DST: variants seen among roughly 807,000 people sequenced by gnomAD.
The protein encoded by DST is bullous pemphigoid antigen.
DST carries 253 observed loss-of-function variants against 875.2 expected under a neutral mutation model. The ratio of observed to expected loss-of-function variants is 0.29; its 90% CI spans 0.26 to 0.32. The LOEUF is 0.32. Ranked by LOEUF, DST falls within the 10% of genes least tolerant of loss-of-function variation. The probability of loss-of-function intolerance (pLI) is 1.00; values close to 1 mark genes in which losing one functional copy is unlikely to be tolerated. For missense variants in DST, 8,287 were observed against 9,111.6 expected (o/e 0.91, Z 3.68); for synonymous variants, 3,124 against 3,197.1 (o/e 0.98, Z 0.77).
chr6:56,744,467 C>T (rs1264256572), intron 4 of DST, among the ~76,000 whole-genome samples: 1 of 151,824 alleles, frequency 6.6e-6, no homozygotes, highest in Non-Finnish European at 1.5e-5. Flanking sequence ...TTCCCCATTA[C>T]TGCCTGGAAA....
chr6:56,629,184 A>C, intron 32 of DST, 66 bp downstream of exon 32: 1 of 1,511,844 alleles, frequency 6.6e-7, no homozygotes. Context: ...ATATGTGTAG[A>C]TTTTACTCAT....
intron 9 of DST, among the ~76,000 whole-genome samples, chr6:56,684,681 A>C (rs2099171814): frequency 6.6e-6 from 1 of 152,210 alleles, no homozygotes; most frequent in South Asian, 2.1e-4. Flanking sequence ...CTTACAAGTC[A>C]GACTAATTTT....
At position 56,843,716 on chromosome 6, in the gene DST, G is replaced by A; in HGVS notation, c.625+7681C>T. 8.2e-6 allele frequency: 3 copies of A among 363,718 alleles called. 1 individual carries two copies. The highest frequency in any genetic ancestry group is 2.4e-5 in the African/African-American group (1 of 41,008). The allele number at this position is 363,718 out of a possible 1,614,324, so 22.5% of individuals were successfully genotyped here. ...GGAGAGAGGGAGGGAGGAGGGTGGA[G>A]GGTGGAGGGTGGAGAGTGGAGGGTG... On this transcript the variant is annotated intron_variant, in intron 4 of 103. Coordinates refer to ENST00000680361, the MANE Select transcript of DST (RefSeq NM_001374736.1).
chr6:56,887,957 T>C (rs914846986), intron 3 of DST, among the ~76,000 whole-genome samples: 2 of 151,504 alleles, frequency 1.3e-5, no homozygotes, highest in African/African-American at 4.8e-5. Flanking sequence ...TGAAATCTTT[T>C]TTTTTTTTTT....
In DST at chr6:56,606,361, G is replaced by A; in HGVS notation, c.8267C>T (p.Ser2756Leu). 1.9e-6 allele frequency: 3 copies of A among 1,613,110 alleles called. No individual in the cohort carries two copies. The highest frequency in any genetic ancestry group is 2.5e-6 in the Non-Finnish European group (3 of 1,179,520). Reference protein sequence around the residue: ...IVGGKESFTASLKFDDSGSWR... With the variant: ...IVGGKESFTALLKFDDSGSWR... ...ACTGCCACTGTCATCAAATTTTAAT[G>A]ATGCAGTGAAGCTCTCTTTTCCTCC... Residue 2756 changes from serine (S) to leucine (L), a missense_variant, in exon 40 of 104, where the codon TCA becomes TTA. Physicochemically the swap from Ser to Leu is moderately radical, Grantham distance 145. Coordinates refer to ENST00000680361, the MANE Select transcript of DST (RefSeq NM_001374736.1).
intron 59 of DST, among the ~76,000 whole-genome samples, 194 bp from the exon 60 acceptor site, chr6:56,556,034 T>A (rs796316007): frequency 6.6e-6 from 1 of 152,152 alleles, no homozygotes; most frequent in Non-Finnish European, 1.5e-5. Flanking sequence ...CACAGAGATA[T>A]CCTGTCTAAA....
chr6:56,857,029 C>T (rs1159693118), intron 3 of DST, among the ~76,000 whole-genome samples: 27 of 145,954 alleles, frequency 1.8e-4, no homozygotes, highest in Admixed American at 1.2e-3. Context: ...TTTTTTTTTA[C>T]GAGACAAGGT....
At chr6:56,638,075 A>G (rs557935414) in intron 22 of DST, among the ~76,000 whole-genome samples, 38 of 152,120 alleles carry the variant, frequency 2.5e-4, no homozygotes, top group African/African-American at 8.7e-4. Flanking sequence ...AAAGATGACT[A>G]AGGTTTCATT....
At chr6:56,487,047 A>G in intron 87 of DST, 57 bp downstream of exon 87, 1 of 1,552,780 alleles carries the variant, frequency 6.4e-7, no homozygotes, top group East Asian at 2.3e-5. Flanking sequence ...AAGCACCATT[A>G]CTGTGTATTT....
chr6:56,660,381 T>C (rs551729990), intron 10 of DST, among the ~76,000 whole-genome samples: 2 of 152,244 alleles, frequency 1.3e-5, no homozygotes, highest in East Asian at 3.9e-4. Context: ...TTCCTAAAGA[T>C]CATTTTTAGA....
intron 10 of DST, among the ~76,000 whole-genome samples, chr6:56,668,573 C>G (rs189511862): frequency 6.6e-6 from 1 of 151,882 alleles, no homozygotes; most frequent in Admixed American, 6.6e-5. Context: ...GAAATCCTGT[C>G]TCTACTAAAA....
intron 3 of DST, among the ~76,000 whole-genome samples, chr6:56,874,811 C>T (rs2127618999): frequency 6.6e-6 from 1 of 152,278 alleles, no homozygotes; most frequent in East Asian, 1.9e-4. Flanking sequence ...AACTAACACC[C>T]TTGAAAGGTG....
At chr6:56,631,549 G>A (rs2098780210) in intron 29 of DST, among the ~76,000 whole-genome samples, 160 bp from the exon 30 acceptor site, 1 of 152,140 alleles carries the variant, frequency 6.6e-6, no homozygotes, top group South Asian at 2.1e-4. Flanking sequence ...TAGCATTCAA[G>A]TTTTACAATC....
At position 56,834,530 on chromosome 6, in the gene DST, G is replaced by A. The variant is rs141957514; in HGVS notation, c.625+16867C>T. ...GGGAATCACTTAAACCCAGGAGGCA[G>A]AGGTTGCAGTGAGCCAAGATCGTGC... On this transcript the variant is annotated intron_variant, in intron 4 of 103. Coordinates refer to ENST00000680361, the MANE Select transcript of DST (RefSeq NM_001374736.1). 2.5e-3 allele frequency among the ~76,000 whole-genome samples: 375 copies of A among 152,262 alleles called. 1 individual carries two copies. Among genetic ancestry groups the A allele is most frequent in the African/African-American group, 8.7e-3 (363 of 41,540 alleles).
intron 4 of DST, among the ~76,000 whole-genome samples, chr6:56,823,478 T>G (rs1310147898): frequency 6.6e-6 from 1 of 152,108 alleles, no homozygotes; most frequent in African/African-American, 2.4e-5. Context: ...TGCCGCAATC[T>G]CAGCTCACTG....
At chr6:56,493,773 C>T (rs1379213145) in intron 83 of DST, among the ~76,000 whole-genome samples, 1 of 152,022 alleles carries the variant, frequency 6.6e-6, no homozygotes, top group Non-Finnish European at 1.5e-5. Flanking sequence ...AACTAAGTAA[C>T]ATTTGATCTA....
intron 78 of DST, among the ~76,000 whole-genome samples, chr6:56,502,815 T>A (rs933006681): frequency 6.6e-6 from 1 of 152,140 alleles, no homozygotes; most frequent in Admixed American, 6.6e-5. Context: ...CACTTAGATA[T>A]GAAAATGCTA....
intron 2 of DST, among the ~76,000 whole-genome samples, chr6:56,929,973 G>C (rs1809292067): frequency 6.6e-6 from 1 of 152,236 alleles, no homozygotes; most frequent in African/African-American, 2.4e-5. Context: ...CTCAAAGGTA[G>C]AGACAAGTCT....
At chr6:56,482,944 G>T in intron 88 of DST, 67 bp from the exon 89 acceptor site, 1 of 1,218,336 alleles carries the variant, frequency 8.2e-7, no homozygotes, top group Non-Finnish European at 1.1e-6. Flanking sequence ...CATACTGTTT[G>T]AGATATATAT....
Sources: gnomAD v4.1 joint callset for allele counts (sites outside exome capture counted in the v4.1 genomes callset) on GRCh38, gnomAD v4.1.1 for gene constraint, MANE v1.5 for transcripts, NCBI Gene and HGNC (gene_info 2026-07-23, HGNC 2026-07-21) for gene names.